HERC6: variants seen among roughly 807,000 people sequenced by gnomAD.
HERC6 encodes the protein HECT and RLD domain containing E3 ubiquitin protein ligase family member 6, also known as probable E3 ubiquitin-protein ligase HERC6.
HERC6 carries 101 observed loss-of-function variants against 114.5 expected under a neutral mutation model. The observed-to-expected ratio is 0.88, with a 90% CI of 0.75 to 1.04. The LOEUF is 1.04. Among genes scored for constraint, HERC6 ranks in the 50% least tolerant of loss-of-function variants. The pLI, the probability that HERC6 is intolerant of heterozygous loss-of-function variation, is 0.00. For missense variants in HERC6, 1,133 were observed against 1,230.9 expected (o/e 0.92, Z 1.19); for synonymous variants, 408 against 436.2 (o/e 0.94, Z 0.81).
chr4:88,398,047 A>G (rs1050504147), intron 7 of HERC6, 95 bp from the exon 8 acceptor site: 22 of 684,652 alleles, frequency 3.2e-5, no homozygotes, highest in Non-Finnish European at 5.3e-5. Flanking sequence ...GAGAATATAA[A>G]TTGCCAGTAA....
In HERC6 at chr4:88,424,808, G is replaced by A. The variant is rs928452325; in HGVS notation, c.1935+106G>A. 12 of 683,818 alleles carry A rather than the reference G, an allele frequency of 1.8e-5. No homozygotes were observed. In the African/African-American group the frequency reaches 2.3e-4, roughly 13 times the overall value. 42.4% of individuals were successfully genotyped at this position (683,818 alleles called of 1,614,324 possible). ...AAGATTCAGCAATTGTCAACATTTT[G>A]CCACACTTTTATCTATCACTTTTTT... On this transcript the variant is annotated intron_variant, in intron 15 of 22. Transcript: ENST00000264346.
At chr4:88,401,723 A>T (rs906231049) in intron 8 of HERC6, among the ~76,000 whole-genome samples, 10 of 152,202 alleles carry the variant, frequency 6.6e-5, no homozygotes, top group Non-Finnish European at 1.5e-4. Context: ...CAAGGTCCCC[A>T]TCTGAGCATG....
intron 5 of HERC6, 115 bp from the exon 6 acceptor site, chr4:88,395,900 A>C (rs1735203364): frequency 1.2e-6 from 1 of 818,270 alleles, no homozygotes; most frequent in Admixed American, 3.1e-5. Context: ...CTATTTATGT[A>C]GAGCTTGTGT....
At chr4:88,438,857 G>A (rs1041379823) in intron 20 of HERC6, among the ~76,000 whole-genome samples, 1 of 152,160 alleles carries the variant, frequency 6.6e-6, no homozygotes, top group African/African-American at 2.4e-5. Context: ...AATGGTTACA[G>A]GGGAAGGCAG....
intron 10 of HERC6, among the ~76,000 whole-genome samples, chr4:88,407,220 G>A (rs1275162574): frequency 6.6e-6 from 1 of 152,074 alleles, no homozygotes; most frequent in Non-Finnish European, 1.5e-5. Context: ...TGGGATTACA[G>A]GCATGCGCCA....
intron 11 of HERC6, 136 bp downstream of exon 11, chr4:88,408,753 C>A (rs1735937057): frequency 1.5e-6 from 1 of 655,896 alleles, no homozygotes; most frequent in East Asian, 2.7e-5. Context: ...CAAAAATCGA[C>A]CCACTGAGAC....
At chr4:88,388,278 C>T (rs189385891) in intron 3 of HERC6, among the ~76,000 whole-genome samples, 336 of 152,020 alleles carry the variant, frequency 2.2e-3, no homozygotes, top group African/African-American at 7.6e-3. Context: ...AGGCTGGGCA[C>T]GGTGGCTCAT....
chr4:88,422,258 T>C (rs1260320374), intron 13 of HERC6, among the ~76,000 whole-genome samples: 1 of 152,218 alleles, frequency 6.6e-6, no homozygotes, highest in Non-Finnish European at 1.5e-5. Flanking sequence ...ATTTTCTCTG[T>C]ATAGAATCAT....
At chr4:88,416,065 G>C (rs1736445098) in intron 12 of HERC6, among the ~76,000 whole-genome samples, 1 of 152,190 alleles carries the variant, frequency 6.6e-6, no homozygotes, top group East Asian at 1.9e-4. Flanking sequence ...CAGCCATTCT[G>C]CTGGAATTCA....
chr4:88,413,211 G>T lies in HERC6; in HGVS notation c.1503G>T (p.Val501=), dbSNP rs368097614. Reference sequence around the variant, plus strand: ...ATTCTAAGAACTGGAAGAACCTGGTGGTTCCATTTGCAAAGGCTGTGTGTG... The same window carrying T: ...ATTCTAAGAACTGGAAGAACCTGGTTGTTCCATTTGCAAAGGCTGTGTGTG... ...MHDSKNWKNL[V]VPFAKAVCEM... is the part of the protein sequence containing the mutation. The change falls in exon 12 of 23, where the codon GTG becomes GTT. Residue 501 remains valine, a synonymous_variant. Transcript: ENST00000264346. 2.6e-4 allele frequency: 422 copies of T among 1,612,934 alleles called. No individual in the cohort carries two copies. The highest frequency in any genetic ancestry group is 3.5e-4 in the Non-Finnish European group (411 of 1,179,530).
chr4:88,436,013 A>C, intron 18 of HERC6, 122 bp downstream of exon 18: 1 of 671,730 alleles, frequency 1.5e-6, no homozygotes, highest in East Asian at 3.3e-5. Flanking sequence ...TGCTCTTGAG[A>C]GGAATTTGAA....
At chr4:88,429,489 G>A (rs1737971048) in intron 16 of HERC6, among the ~76,000 whole-genome samples, 3 of 152,222 alleles carry the variant, frequency 2.0e-5, no homozygotes, top group South Asian at 2.1e-4. Context: ...TCCACTATAT[G>A]AGTTTCAATG....
intron 18 of HERC6, 142 bp from the exon 19 acceptor site, chr4:88,436,763 A>G: frequency 1.9e-6 from 1 of 531,618 alleles, no homozygotes; most frequent in Non-Finnish European, 3.2e-6. Context: ...CTCTAGGGAA[A>G]GGGAATGAGA....
In HERC6 at chr4:88,394,264, G is replaced by A. The variant is rs185144941; in HGVS notation, c.759+682G>A. ...CCAAGGCGGGCAGATCACGAGGTCA[G>A]GAGTTCAAGACCAGCCTGGCCAACA... On this transcript the variant is annotated intron_variant, in intron 5 of 22. Transcript: ENST00000264346. Among the ~76,000 whole-genome samples the A allele has an allele frequency of 1.1e-4, 16 of 152,048 alleles. 1 individual carries two copies. In the East Asian group the frequency reaches 1.9e-3, roughly 18 times the overall value.
In HERC6 at chr4:88,404,891, C is replaced by T. The variant is rs115213626; in HGVS notation, c.1108C>T (p.Arg370Cys). Residue 370 changes from arginine (R) to cysteine (C), a missense_variant, in exon 9 of 23, where the codon CGT (arginine) becomes TGT (cysteine). This residue lies in a region of HERC6 where 735 missense variants were observed against 754.0 expected (regional missense o/e 0.97). Transcript: ENST00000264346. The stretch of plus-strand genomic sequence containing the variant: ...TTCCCTGAAGGATACTAGTTCCACA[C>T]GTGCTCCCGGGAAAACCCTGCCAGA... Reference protein sequence around the residue: ...VTTHQDTSSTRAPGKTLPEIS... With the variant: ...VTTHQDTSSTCAPGKTLPEIS... The T allele has an allele frequency of 1.5e-4, 235 of 1,613,468 alleles. No homozygotes were observed. The Middle Eastern group carries it at 2.3e-3, about 16-fold the overall frequency.
intron 11 of HERC6, among the ~76,000 whole-genome samples, chr4:88,408,951 C>A (rs1735949691): frequency 6.6e-6 from 1 of 152,056 alleles, no homozygotes; most frequent in Non-Finnish European, 1.5e-5. Flanking sequence ...GAGATGAAAT[C>A]ATAGGGAATA....
intron 2 of HERC6, among the ~76,000 whole-genome samples, 155 bp downstream of exon 2, chr4:88,383,535 G>A (rs1414134627): frequency 6.6e-6 from 1 of 152,078 alleles, no homozygotes; most frequent in Non-Finnish European, 1.5e-5. Flanking sequence ...AAGGTGGGCA[G>A]ATCACTTGAG....
At chr4:88,393,055 G>A (rs1353789394) in intron 4 of HERC6, among the ~76,000 whole-genome samples, 2 of 152,046 alleles carry the variant, frequency 1.3e-5, no homozygotes, top group Non-Finnish European at 1.5e-5. Flanking sequence ...GTTATTTTAG[G>A]TTGACAAATG....
At chr4:88,430,381 G>A (rs1314171911) in intron 16 of HERC6, among the ~76,000 whole-genome samples, 1 of 151,770 alleles carries the variant, frequency 6.6e-6, no homozygotes. Context: ...TACCAGCTGA[G>A]GTCAGGAGTT....
Sources: gnomAD v4.1 joint callset for allele counts (sites outside exome capture counted in the v4.1 genomes callset) on GRCh38, gnomAD v4.1.1 for gene constraint, gnomAD v4.1.1 regional missense constraint, MANE v1.5 for transcripts, NCBI Gene and HGNC (gene_info 2026-07-23, HGNC 2026-07-21) for gene names.